DACH1: variants seen among roughly 807,000 people sequenced by gnomAD.
DACH1 encodes dachshund homolog 1.
A neutral mutation model predicts 54.2 loss-of-function variants in DACH1; 12 were observed. That is an observed-to-expected ratio of 0.22 (90% CI 0.14 to 0.36). DACH1 has a LOEUF of 0.36. Ranked by LOEUF, DACH1 falls within the 10% of genes least tolerant of loss-of-function variation. The probability of loss-of-function intolerance (pLI) is 1.00; values close to 1 mark genes in which losing one functional copy is unlikely to be tolerated. For synonymous variants in DACH1, 386 were observed against 366.2 expected, an observed-to-expected ratio of 1.05 and a Z score of -0.62; for missense variants, 805 against 929.8, an observed-to-expected ratio of 0.87 and a Z score of 1.75.
rs187077245 is a variant in DACH1, at chr13:71,867,008, C to T, written c.-239G>A. On this transcript the variant is annotated 5_prime_UTR_variant, in exon 1 of 11. Transcript: ENST00000613252. ...TGGAGAGGAACGCACAAAAGTGTCC[C>T]GCAAGTCGAAATGCGAGTCCTCTCC... 2.3e-5 allele frequency: 6 copies of T among 255,654 alleles called. No individual in the cohort carries two copies. The allele number at this position is 255,654 out of a possible 1,614,324, so 15.8% of individuals were successfully genotyped here.
intron 1 of DACH1, among the ~76,000 whole-genome samples, chr13:71,761,455 T>C (rs1885397193): frequency 6.6e-6 from 1 of 152,224 alleles, no homozygotes; most frequent in Non-Finnish European, 1.5e-5. Flanking sequence ...TTTACAATAC[T>C]ATATTCTCCT....
chr13:71,617,473 T>A (rs1392497640), intron 3 of DACH1, among the ~76,000 whole-genome samples: 1 of 152,164 alleles, frequency 6.6e-6, no homozygotes, highest in Middle Eastern at 3.2e-3. Flanking sequence ...TCCAGATTCC[T>A]GGAGGAATAA....
chr13:71,757,522 C>CTTTTTT (rs71126504), intron 1 of DACH1, among the ~76,000 whole-genome samples: 1 of 128,936 alleles, frequency 7.8e-6, no homozygotes, highest in African/African-American at 2.9e-5. Context: ...TTTAAAGGTA[C>CTTTTTT]TTTTTTTTTT....
intron 7 of DACH1, among the ~76,000 whole-genome samples, chr13:71,485,235 AAGAT>A (rs1183975284): frequency 2.6e-5 from 4 of 151,820 alleles, no homozygotes; most frequent in African/African-American, 4.8e-5. Context: ...GCCATAATGA[AAGAT>A]AGACCACAAT....
At chr13:71,749,172 T>A (rs1233639216) in intron 1 of DACH1, among the ~76,000 whole-genome samples, 1 of 151,452 alleles carries the variant, frequency 6.6e-6, no homozygotes, top group Non-Finnish European at 1.5e-5. Flanking sequence ...TCAGTAGAGA[T>A]GGGGTTTCAG....
chr13:71,737,607 C>T (rs1478091250), intron 1 of DACH1, among the ~76,000 whole-genome samples: 1 of 152,174 alleles, frequency 6.6e-6, no homozygotes, highest in Non-Finnish European at 1.5e-5. Flanking sequence ...CAATCAGTAA[C>T]TACTGAAGGT....
At chr13:71,796,710 A>G (rs1887066534) in intron 1 of DACH1, among the ~76,000 whole-genome samples, 1 of 152,166 alleles carries the variant, frequency 6.6e-6, no homozygotes, top group Non-Finnish European at 1.5e-5. Flanking sequence ...ATAGAGACAC[A>G]TCACACACTT....
At chr13:71,727,069 A>G (rs1044116289) in intron 1 of DACH1, among the ~76,000 whole-genome samples, 5 of 152,050 alleles carry the variant, frequency 3.3e-5, no homozygotes, top group Admixed American at 3.3e-4. Context: ...TGTAAAATGC[A>G]TTGCTTGAGA....
chr13:71,539,314 T>C (rs1882993797), intron 6 of DACH1, among the ~76,000 whole-genome samples: 1 of 152,108 alleles, frequency 6.6e-6, no homozygotes, highest in South Asian at 2.1e-4. Flanking sequence ...TGCTTTTCTT[T>C]GCCTCTTAAC....
chr13:71,477,817 T>A (rs1048390007), intron 8 of DACH1, among the ~76,000 whole-genome samples: 5 of 152,156 alleles, frequency 3.3e-5, no homozygotes, highest in African/African-American at 1.2e-4. Flanking sequence ...CTCTTCAGGG[T>A]GATACACTGC....
chr13:71,512,750 A>G (rs551888310), intron 6 of DACH1, among the ~76,000 whole-genome samples: 1 of 152,080 alleles, frequency 6.6e-6, no homozygotes, highest in South Asian at 2.1e-4. Context: ...AATTTCAAAT[A>G]CATCCATAGT....
At chr13:71,751,500 T>A (rs1399836475) in intron 1 of DACH1, among the ~76,000 whole-genome samples, 3 of 152,180 alleles carry the variant, frequency 2.0e-5, no homozygotes, top group Non-Finnish European at 2.9e-5. Flanking sequence ...TTGAAGATAT[T>A]GTTGATCTAA....
At chr13:71,709,022 T>C (rs549304922) in intron 1 of DACH1, among the ~76,000 whole-genome samples, 1 of 151,848 alleles carries the variant, frequency 6.6e-6, no homozygotes, top group African/African-American at 2.4e-5. Context: ...CCGACTAATT[T>C]TTTTGTATTT....
At position 71,696,880 on chromosome 13, in the gene DACH1, C is replaced by T. The variant is rs78257254; in HGVS notation, c.849-14970G>A. Among the ~76,000 whole-genome samples the T allele has an allele frequency of 3.8e-4, 58 of 152,180 alleles. 1 individual carries two copies. The East Asian group carries it at 9.3e-3, about 24-fold the overall frequency. On this transcript the variant is annotated intron_variant, in intron 1 of 10. Transcript: ENST00000613252. ...CTTTTAAGACTGCACTGCTATTCCA[C>T]GACTCTGAATATATTTACTATTTAA...
intron 6 of DACH1, among the ~76,000 whole-genome samples, chr13:71,533,389 T>G (rs1566321478): frequency 6.6e-6 from 1 of 151,858 alleles, no homozygotes; most frequent in Non-Finnish European, 1.5e-5. Flanking sequence ...GACAGTGAAA[T>G]TTATATCTTT....
intron 2 of DACH1, among the ~76,000 whole-genome samples, chr13:71,648,019 T>A (rs1216281483): frequency 6.6e-6 from 1 of 152,198 alleles, no homozygotes; most frequent in Non-Finnish European, 1.5e-5. Context: ...GTGAATTTGA[T>A]TTTTATATTT....
At chr13:71,556,722 T>C (rs553862710) in intron 6 of DACH1, among the ~76,000 whole-genome samples, 10 of 152,118 alleles carry the variant, frequency 6.6e-5, no homozygotes, top group Non-Finnish European at 1.5e-4. Flanking sequence ...CCTGAAGGTA[T>C]TGAAAAAGTC....
In DACH1 at chr13:71,701,299, T is replaced by C. The variant is rs550540149; in HGVS notation, c.849-19389A>G. Among the ~76,000 whole-genome samples the C allele has an allele frequency of 2.6e-5, 4 of 152,280 alleles. No individual in the cohort carries two copies. In the South Asian group the frequency reaches 8.3e-4, roughly 32 times the overall value. ...AGACATTTTCTTAGGTAAGTGTATATTTAAATCTGAGATTTCATAATGCAA... is the reference window on the plus strand; with the variant it reads ...AGACATTTTCTTAGGTAAGTGTATACTTAAATCTGAGATTTCATAATGCAA... On this transcript the variant is annotated intron_variant, in intron 1 of 10. Coordinates refer to ENST00000613252, the MANE Select transcript of DACH1 (RefSeq NM_080759.6).
At chr13:71,720,505 GACTA>G (rs1883186080) in intron 1 of DACH1, among the ~76,000 whole-genome samples, 1 of 152,106 alleles carries the variant, frequency 6.6e-6, no homozygotes, top group Admixed American at 6.6e-5. Context: ...AAATGTGTTT[GACTA>G]ACTAAATTAA....
Sources: allele counts gnomAD v4.1 joint callset (sites outside exome capture counted in the v4.1 genomes callset), GRCh38; gene constraint gnomAD v4.1.1; transcripts MANE v1.5; gene names NCBI Gene and HGNC (gene_info 2026-07-23, HGNC 2026-07-21).